Variants in ELSPBP1 observed in about 807,000 individuals in gnomAD.
ELSPBP1 encodes the protein epididymal sperm-binding protein 1.
Under a neutral mutation model 33.3 loss-of-function variants are expected in ELSPBP1, and 38 were observed. That is an observed-to-expected ratio of 1.14 (90% CI 0.88 to 1.50). ELSPBP1 has a LOEUF of 1.50. ELSPBP1 is among the 40% of genes most tolerant of loss of function. ELSPBP1 has a pLI of 0.00. For missense variants in ELSPBP1, 267 were observed against 263.5 expected, an observed-to-expected ratio of 1.01 and a Z score of -0.09; for synonymous variants, 85 against 94.1, an observed-to-expected ratio of 0.90 and a Z score of 0.56.
chr19:48,015,046 C>T (rs575753064), intron 3 of ELSPBP1, among the ~76,000 whole-genome samples: 93 of 152,142 alleles, frequency 6.1e-4, no homozygotes, highest in African/African-American at 2.1e-3. Context: ...ATTGACGAGA[C>T]GGCTTACCAG....
In ELSPBP1 at chr19:48,023,894, G is replaced by T. The variant is rs138158464; in HGVS notation, c.*8-1058G>T. On this transcript the variant is annotated intron_variant, in intron 6 of 6. Transcript: ENST00000339841. ...TTTATTTATTTATTTTTTTTGAGACGGGGTCTCACTCTGTCGCCCAGGCTG... is the reference window on the plus strand; with the variant it reads ...TTTATTTATTTATTTTTTTTGAGACTGGGTCTCACTCTGTCGCCCAGGCTG... Among the ~76,000 whole-genome samples, 145 of 145,388 alleles carry T rather than the reference G, an allele frequency of 1.0e-3. 1 individual carries two copies. The East Asian group carries it at 0.027, about 27-fold the overall frequency.
chr19:48,019,325 T>C (rs1418366549), intron 4 of ELSPBP1, among the ~76,000 whole-genome samples: 1 of 152,064 alleles, frequency 6.6e-6, no homozygotes, highest in Non-Finnish European at 1.5e-5. Context: ...TGACCAAAGA[T>C]GGGGTTTTAA....
intron 2 of ELSPBP1, among the ~76,000 whole-genome samples, chr19:48,010,872 T>C (rs975532904): frequency 6.6e-6 from 1 of 152,232 alleles, no homozygotes; most frequent in Non-Finnish European, 1.5e-5. Context: ...GTATTCATTA[T>C]GTGCTGATTC....
chr19:48,004,345 A>C (rs929866697), intron 1 of ELSPBP1, among the ~76,000 whole-genome samples: 2 of 151,962 alleles, frequency 1.3e-5, no homozygotes, highest in Admixed American at 1.3e-4. Context: ...TGTTGTAGAG[A>C]CGAGGTGTCA....
chr19:48,006,687 C>G lies in ELSPBP1; in HGVS notation c.-17-1964C>G, dbSNP rs907965880. Among the ~76,000 whole-genome samples, 33 of 150,044 alleles carry G rather than the reference C, an allele frequency of 2.2e-4. 1 individual carries two copies. The highest frequency in any genetic ancestry group is 7.6e-4 in the African/African-American group (31 of 40,764). On this transcript the variant is annotated intron_variant, in intron 1 of 6. Coordinates refer to ENST00000339841, the MANE Select transcript of ELSPBP1 (RefSeq NM_022142.5). Reference sequence around the variant, plus strand: ...AATTTAAGTAATTTCCCTGAAGTCACCCAGCTGGTAAACGGTGGAGCTGGG... The same window carrying G: ...AATTTAAGTAATTTCCCTGAAGTCAGCCAGCTGGTAAACGGTGGAGCTGGG...
chr19:48,019,012 C>T (rs915899776), intron 4 of ELSPBP1, among the ~76,000 whole-genome samples: 4 of 151,854 alleles, frequency 2.6e-5, no homozygotes, highest in Admixed American at 6.6e-5. Context: ...AAATTAGCGA[C>T]GCATGGTGGT....
chr19:47,999,387 CTTTTTTTTT>C (rs397937280), intron 1 of ELSPBP1, among the ~76,000 whole-genome samples: 1,401 of 129,964 alleles, frequency 0.011, 48 homozygotes, highest in Admixed American at 0.081. Context: ...AGCCTCATTT[CTTTTTTTTT>C]TTTTTTTTTT....
chr19:47,997,897 G>C (rs149105073), intron 1 of ELSPBP1, among the ~76,000 whole-genome samples: 1 of 152,192 alleles, frequency 6.6e-6, no homozygotes, highest in Non-Finnish European at 1.5e-5. Context: ...TAATTGGAAA[G>C]AAGTCTCCTA....
chr19:48,023,516 TAAGGAAGGAAGGGAGG>T (rs1416188608), intron 6 of ELSPBP1, among the ~76,000 whole-genome samples: 23,353 of 65,574 alleles, frequency 0.36, 2,382 homozygotes, highest in South Asian at 0.43. Flanking sequence ...AGGAAGGAAA[TAAGGAAGGAAGGGAGG>T]AAGGAAAGAA....
At chr19:48,023,253 A>G in intron 6 of ELSPBP1, among the ~76,000 whole-genome samples, 1 of 127,098 alleles carries the variant, frequency 7.9e-6, no homozygotes, top group African/African-American at 3.0e-5. Flanking sequence ...GAAAGAAAGG[A>G]GGTAGAGAGA....
intron 1 of ELSPBP1, among the ~76,000 whole-genome samples, chr19:48,006,024 G>A (rs760842730): frequency 2.6e-5 from 4 of 152,080 alleles, no homozygotes; most frequent in South Asian, 2.1e-4. Context: ...GCAGTGGTGC[G>A]ATCATAGTGC....
chr19:48,019,063 AG>A (rs1967171028), intron 4 of ELSPBP1, among the ~76,000 whole-genome samples: 1 of 152,220 alleles, frequency 6.6e-6, no homozygotes, highest in African/African-American at 2.4e-5. Flanking sequence ...CTGAGGCAGA[AG>A]AATCTCTTGA....
rs535824225 is a variant in ELSPBP1 at position 48,005,297 on chromosome 19, C to A, written c.-17-3354C>A. Among the ~76,000 whole-genome samples, 4 of 152,136 alleles carry A rather than the reference C, an allele frequency of 2.6e-5. No individual in the cohort carries two copies. The East Asian group carries it at 7.7e-4, about 29-fold the overall frequency. On this transcript the variant is annotated intron_variant, in intron 1 of 6. Coordinates refer to ENST00000339841, the MANE Select transcript of ELSPBP1 (RefSeq NM_022142.5). The stretch of plus-strand genomic sequence containing the variant: ...GGCTGGAGGCTGCATATCAGTGAGG[C>A]AACAGGACAACAGTTGAATAGTTGA...
rs761208367 is a variant in ELSPBP1, at chr19:48,019,820, T to C, written c.457T>C (p.Cys153Arg). The change falls in exon 5 of 7, where the codon TGC (cysteine) becomes CGC (arginine). Residue 153 changes from cysteine (C) to arginine (R), a missense_variant. Transcript: ENST00000339841. ...GGAGGATGAAAGCAACAAGCTCTGG[T>C]GCCCAACCACAGAGAACATGGATAA... ...CMEDESNKLW[C>R]PTTENMDKDG... 7 of 1,606,986 alleles carry C rather than the reference T, an allele frequency of 4.4e-6. No homozygotes were observed. Among genetic ancestry groups the C allele is most frequent in the Non-Finnish European group, 6.0e-6 (7 of 1,176,292 alleles).
intron 4 of ELSPBP1, among the ~76,000 whole-genome samples, chr19:48,017,095 T>C (rs1379292971): frequency 6.6e-6 from 1 of 152,232 alleles, no homozygotes; most frequent in African/African-American, 2.4e-5. Context: ...ATGGTCCCAG[T>C]ATAACTGAGC....
chr19:48,014,811 G>C (rs763824436), intron 3 of ELSPBP1, among the ~76,000 whole-genome samples: 2 of 151,964 alleles, frequency 1.3e-5, no homozygotes, highest in African/African-American at 4.8e-5. Context: ...CTAATAATGG[G>C]TAATAATGTT....
intron 1 of ELSPBP1, among the ~76,000 whole-genome samples, chr19:47,998,664 G>A (rs1425105108): frequency 6.6e-6 from 1 of 151,878 alleles, no homozygotes; most frequent in South Asian, 2.1e-4. Context: ...GTGGGCGCCT[G>A]TAGTCCCAGC....
chr19:48,007,209 A>G lies in ELSPBP1; in HGVS notation c.-17-1442A>G, dbSNP rs141623274. 1.6e-3 allele frequency among the ~76,000 whole-genome samples: 240 copies of G among 152,316 alleles called. 1 individual carries two copies. Among genetic ancestry groups the G allele is most frequent in the Non-Finnish European group, 2.9e-3 (200 of 68,026 alleles). On this transcript the variant is annotated intron_variant, in intron 1 of 6. Coordinates refer to ENST00000339841, the MANE Select transcript of ELSPBP1 (RefSeq NM_022142.5). Reference sequence around the variant, plus strand: ...GCCACCCGGAGACACAGGAACGACTAAATACATTCTGCAGATGAGGAAACA... The same window carrying G: ...GCCACCCGGAGACACAGGAACGACTGAATACATTCTGCAGATGAGGAAACA...
At chr19:48,004,537 C>T (rs1209554961) in intron 1 of ELSPBP1, among the ~76,000 whole-genome samples, 2 of 152,168 alleles carry the variant, frequency 1.3e-5, no homozygotes, top group Admixed American at 1.3e-4. Flanking sequence ...ACGTCGGCTT[C>T]TCCTGCCTGG....
Sources: allele counts gnomAD v4.1 joint callset (sites outside exome capture counted in the v4.1 genomes callset), GRCh38; gene constraint gnomAD v4.1.1; transcripts MANE v1.5; gene names NCBI Gene and HGNC (gene_info 2026-07-23, HGNC 2026-07-21).